GLIS3: variants seen among roughly 807,000 people sequenced by gnomAD.
GLIS3 encodes GLIS family zinc finger 3.
Under a neutral mutation model 78.6 loss-of-function variants are expected in GLIS3, and 53 were observed. That is an observed-to-expected ratio of 0.67 (90% CI 0.54 to 0.85). The LOEUF (loss-of-function observed/expected upper bound fraction) is 0.85. Ranked by LOEUF, GLIS3 falls within the 40% of genes least tolerant of loss-of-function variation. The pLI is 0.00. For missense variants in GLIS3, 1,703 were observed against 1,231.1 expected, an observed-to-expected ratio of 1.38 and a Z score of -5.74; for synonymous variants, 684 against 509.9, an observed-to-expected ratio of 1.34 and a Z score of -4.60.
At chr9:4,333,714 G>A (rs1025333127) in intron 2 of GLIS3, among the ~76,000 whole-genome samples, 39 of 151,838 alleles carry the variant, frequency 2.6e-4, no homozygotes, top group South Asian at 4.2e-4. Flanking sequence ...GGCTCTAGAC[G>A]TAATTGTGAA....
At chr9:4,435,958 C>CAAA in the GLIS3 span, among the ~76,000 whole-genome samples, 1 of 151,904 alleles carries the variant, frequency 6.6e-6, no homozygotes, top group Admixed American at 6.6e-5. Context: ...CAAAACAAAA[C>CAAA]AAAACAAAAC....
chr9:4,310,656 G>A lies in GLIS3; in HGVS notation n.265-128C>T, dbSNP rs1231647639. On this transcript the variant is annotated intron_variant and non_coding_transcript_variant, in intron 2 of 4. Coordinates refer to the GLIS3 transcript ENST00000471664. ...GGGGGAACAGATCCAGCCCCATGAG[G>A]ACACACACCAGCCATCTTGCAAGCA... 5.2e-5 allele frequency: 8 copies of A among 152,394 alleles called. No individual in the cohort carries two copies. In the East Asian group the frequency reaches 1.5e-3, roughly 29 times the overall value. 9.4% of individuals were successfully genotyped at this position (152,394 alleles called of 1,614,324 possible). A position where few individuals can be genotyped will look rare whatever the true frequency, so the allele number is the denominator to read the frequency against.
intron 2 of GLIS3, among the ~76,000 whole-genome samples, chr9:4,333,183 T>C (rs926581839): frequency 7.0e-6 from 1 of 143,376 alleles, no homozygotes; most frequent in East Asian, 2.0e-4. Context: ...GGAGTTTGAG[T>C]CCAGCCTGGG....
intron 4 of GLIS3, among the ~76,000 whole-genome samples, chr9:4,021,841 A>AC (rs1468081609): frequency 1.3e-5 from 2 of 152,184 alleles, no homozygotes; most frequent in Non-Finnish European, 1.5e-5. Flanking sequence ...ACAAAGCAAT[A>AC]GTTTTTTCAG....
chr9:4,429,989 A>G, the GLIS3 span, among the ~76,000 whole-genome samples: 1 of 152,112 alleles, frequency 6.6e-6, no homozygotes, highest in African/African-American at 2.4e-5. Context: ...TAAGATGCCA[A>G]TCCAGGTTAT....
intron 2 of GLIS3, among the ~76,000 whole-genome samples, chr9:4,317,531 TAAC>T (rs1218808205): frequency 5.9e-5 from 9 of 152,182 alleles, no homozygotes; most frequent in Non-Finnish European, 1.3e-4. Flanking sequence ...CCCTATGAAA[TAAC>T]AATGGCAAAA....
the GLIS3 span, among the ~76,000 whole-genome samples, chr9:4,362,104 G>C: frequency 1.3e-5 from 2 of 152,270 alleles, no homozygotes; most frequent in East Asian, 1.9e-4. Context: ...CCAGCTCCCC[G>C]CAAGAGCCAC....
chr9:4,355,540 C>A, the GLIS3 span, among the ~76,000 whole-genome samples: 1 of 152,156 alleles, frequency 6.6e-6, no homozygotes, highest in East Asian at 1.9e-4. Context: ...GGGTGCTACT[C>A]TCCTAGTGAC....
At chr9:3,945,385 C>A (rs982812132) in intron 4 of GLIS3, among the ~76,000 whole-genome samples, 18 of 152,106 alleles carry the variant, frequency 1.2e-4, no homozygotes, top group African/African-American at 4.1e-4. Context: ...AGCAGTATAC[C>A]AAGCGACCAA....
the GLIS3 span, among the ~76,000 whole-genome samples, chr9:4,365,230 C>T: frequency 6.6e-6 from 1 of 152,114 alleles, no homozygotes; most frequent in Non-Finnish European, 1.5e-5. Flanking sequence ...AGATCACATG[C>T]ATGGCGTAAG....
chr9:4,313,874 T>A (rs1817400867), intron 2 of GLIS3, among the ~76,000 whole-genome samples: 1 of 152,168 alleles, frequency 6.6e-6, no homozygotes, highest in Non-Finnish European at 1.5e-5. Flanking sequence ...TACACCTCTA[T>A]CTGATTTACA....
At chr9:4,360,250 C>T in the GLIS3 span, among the ~76,000 whole-genome samples, 4 of 152,130 alleles carry the variant, frequency 2.6e-5, no homozygotes, top group African/African-American at 9.7e-5. Context: ...CGCTCTGTGT[C>T]TCAGCATGTT....
intron 2 of GLIS3, among the ~76,000 whole-genome samples, chr9:4,197,863 A>C (rs1819006286): frequency 6.6e-6 from 1 of 152,188 alleles, no homozygotes; most frequent in Non-Finnish European, 1.5e-5. Flanking sequence ...AGGGCTGTAG[A>C]AGTAAAGCCA....
intron 4 of GLIS3, among the ~76,000 whole-genome samples, chr9:4,029,419 G>A (rs192223668): frequency 8.5e-5 from 13 of 152,208 alleles, no homozygotes; most frequent in Non-Finnish European, 1.8e-4. Flanking sequence ...TGGAAAATGT[G>A]TTATCCGTCC....
chr9:4,482,179 T>A, the GLIS3 span, among the ~76,000 whole-genome samples: 41 of 152,216 alleles, frequency 2.7e-4, no homozygotes, highest in Non-Finnish European at 4.4e-5. Flanking sequence ...AGAACTTTTC[T>A]TTCATATCCT....
At chr9:3,860,448 C>T (rs1188271358) in intron 8 of GLIS3, among the ~76,000 whole-genome samples, 2 of 152,110 alleles carry the variant, frequency 1.3e-5, no homozygotes, top group South Asian at 2.1e-4. Flanking sequence ...TCAGCCCCAA[C>T]CCCCTGTTAT....
the GLIS3 span, among the ~76,000 whole-genome samples, chr9:4,415,338 T>G: frequency 6.6e-6 from 1 of 152,218 alleles, no homozygotes; most frequent in Non-Finnish European, 1.5e-5. Context: ...ATCAGGAACC[T>G]CAACATTATT....
chr9:4,094,180 A>G (rs1829756306), intron 4 of GLIS3, among the ~76,000 whole-genome samples: 1 of 152,244 alleles, frequency 6.6e-6, no homozygotes, highest in South Asian at 2.1e-4. Flanking sequence ...GGAAAGCAGG[A>G]ACGAGAGGAA....
the GLIS3 span, among the ~76,000 whole-genome samples, chr9:4,480,556 A>T: frequency 1.3e-5 from 2 of 152,064 alleles, no homozygotes; most frequent in African/African-American, 4.8e-5. Context: ...CTTTCTCAAT[A>T]ATCCTCTTTC....
Sources: gnomAD v4.1 joint callset for allele counts (sites outside exome capture counted in the v4.1 genomes callset) on GRCh38, gnomAD v4.1.1 for gene constraint, MANE v1.5 for transcripts, NCBI Gene and HGNC (gene_info 2026-07-23, HGNC 2026-07-21) for gene names.